The following GSE1 variants were observed in gnomAD, a reference collection of about 807,000 sequenced individuals.
GSE1 encodes Gse1 coiled-coil protein.
Under a neutral mutation model 112.6 loss-of-function variants are expected in GSE1, and 32 were observed. The ratio of observed to expected loss-of-function variants is 0.28; its 90% CI spans 0.21 to 0.38. The LOEUF (loss-of-function observed/expected upper bound fraction) is 0.38. Among genes scored for constraint, GSE1 ranks in the 10% least tolerant of loss-of-function variants. The pLI is 1.00. For synonymous variants in GSE1, 1,115 were observed against 735.6 expected, an observed-to-expected ratio of 1.52 and a Z score of -8.35; for missense variants, 2,348 against 1,699.2, an observed-to-expected ratio of 1.38 and a Z score of -6.71.
intron 1 of GSE1, among the ~76,000 whole-genome samples, chr16:85,179,660 A>G (rs116110213): frequency 1.3e-3 from 199 of 152,232 alleles, no homozygotes; most frequent in African/African-American, 4.6e-3. Context: ...CTGTTTCATC[A>G]CTTCTGCCTG....
intron 1 of GSE1, among the ~76,000 whole-genome samples, chr16:85,289,246 G>A (rs2045133089): frequency 6.6e-6 from 1 of 152,128 alleles, no homozygotes; most frequent in African/African-American, 2.4e-5. Flanking sequence ...AGGCTCTTGT[G>A]AGTTCATCCT....
intron 5 of GSE1, 62 bp from the exon 6 acceptor site, chr16:85,655,664 C>G (rs989914192): frequency 1.7e-6 from 2 of 1,151,834 alleles, no homozygotes; most frequent in Non-Finnish European, 1.3e-6. Flanking sequence ...ACACACCTGT[C>G]GACAGGGCTG....
chr16:85,433,180 T>C (rs1460934937), intron 2 of GSE1, among the ~76,000 whole-genome samples: 1 of 152,012 alleles, frequency 6.6e-6, no homozygotes, highest in African/African-American at 2.4e-5. Flanking sequence ...CAACCAGCCT[T>C]GGGTTCAACA....
At chr16:85,653,079 G>T (rs541224985) in intron 3 of GSE1, among the ~76,000 whole-genome samples, 2 of 150,208 alleles carry the variant, frequency 1.3e-5, no homozygotes, top group East Asian at 4.0e-4. Context: ...ACATGGGGAA[G>T]ATGCTGGGGC....
intron 1 of GSE1, among the ~76,000 whole-genome samples, chr16:85,262,710 T>G (rs558590687): frequency 6.6e-6 from 1 of 152,306 alleles, no homozygotes; most frequent in South Asian, 2.1e-4. Flanking sequence ...TGTGTGACCT[T>G]GCACAAGTTC....
At chr16:85,439,448 G>A (rs188197529) in intron 2 of GSE1, among the ~76,000 whole-genome samples, 2 of 152,218 alleles carry the variant, frequency 1.3e-5, no homozygotes, top group South Asian at 2.1e-4. Context: ...CGAGCAGGAG[G>A]GGGAGAGACA....
intron 2 of GSE1, among the ~76,000 whole-genome samples, chr16:85,438,599 A>C (rs2151775401): frequency 6.6e-6 from 1 of 152,268 alleles, no homozygotes; most frequent in East Asian, 1.9e-4. Flanking sequence ...ATGCTCTTAC[A>C]GCTCGGAAGG....
At chr16:85,610,063 C>T (rs529285291), upstream of GSE1, among the ~76,000 whole-genome samples, 2 of 152,292 alleles carry the variant, frequency 1.3e-5, no homozygotes, top group South Asian at 4.1e-4. Flanking sequence ...GAAGCAGGTA[C>T]CTGAGGCAGG....
At chr16:85,269,978 A>G (rs1567652208) in intron 1 of GSE1, among the ~76,000 whole-genome samples, 1 of 149,478 alleles carries the variant, frequency 6.7e-6, no homozygotes, top group Non-Finnish European at 1.5e-5. Flanking sequence ...TTGAAGACTG[A>G]GGCTGAGAGA....
intron 2 of GSE1, among the ~76,000 whole-genome samples, chr16:85,458,092 C>T (rs1210388092): frequency 6.6e-6 from 1 of 152,200 alleles, no homozygotes; most frequent in African/African-American, 2.4e-5. Flanking sequence ...TCCCCAAACC[C>T]TACAATCTGC....
At chr16:85,221,778 C>G (rs2075397794) in intron 1 of GSE1, among the ~76,000 whole-genome samples, 1 of 152,158 alleles carries the variant, frequency 6.6e-6, no homozygotes, top group East Asian at 1.9e-4. Context: ...CCCAGACACC[C>G]TGGCATCTCG....
intron 2 of GSE1, among the ~76,000 whole-genome samples, chr16:85,476,773 C>CTT (rs1469383358): frequency 7.6e-6 from 1 of 132,272 alleles, no homozygotes; most frequent in African/African-American, 3.5e-5. Flanking sequence ...CACGCCTGAC[C>CTT]ATTTTTTTTT....
At chr16:85,426,669 G>A (rs1225631893) in intron 2 of GSE1, among the ~76,000 whole-genome samples, 1 of 147,726 alleles carries the variant, frequency 6.8e-6, no homozygotes, top group African/African-American at 2.5e-5. Context: ...ATGGAAGGAA[G>A]GAAAGAAGAA....
At chr16:85,326,391 A>G (rs368652133) in intron 1 of GSE1, among the ~76,000 whole-genome samples, 1 of 152,308 alleles carries the variant, frequency 6.6e-6, no homozygotes, top group Non-Finnish European at 1.5e-5. Context: ...TTAGCCTGTG[A>G]TATGGTTTGG....
chr16:85,293,735 G>T (rs2045287200), intron 1 of GSE1, among the ~76,000 whole-genome samples: 1 of 152,104 alleles, frequency 6.6e-6, no homozygotes, highest in Non-Finnish European at 1.5e-5. Context: ...GGGTTCCTTG[G>T]CTCCTAGAAG....
intron 1 of GSE1, among the ~76,000 whole-genome samples, chr16:85,630,566 C>T (rs967251839): frequency 2.0e-5 from 3 of 152,242 alleles, no homozygotes; most frequent in African/African-American, 7.2e-5. Context: ...GTCCTCCCAC[C>T]TCACCCTCCT....
chr16:85,245,942 A>G, intron 1 of GSE1, among the ~76,000 whole-genome samples: 2 of 140,122 alleles, frequency 1.4e-5, no homozygotes, highest in African/African-American at 2.7e-5. Flanking sequence ...TGCGTGTGTT[A>G]GTTGGGGAGC....
At chr16:85,640,500 C>T (rs1397091692) in intron 2 of GSE1, among the ~76,000 whole-genome samples, 3 of 152,226 alleles carry the variant, frequency 2.0e-5, no homozygotes, top group Non-Finnish European at 2.9e-5. Context: ...CTCGTCTTGT[C>T]ACTGGCTTTG....
intron 2 of GSE1, among the ~76,000 whole-genome samples, chr16:85,378,993 C>G (rs144225304): frequency 6.6e-6 from 1 of 152,334 alleles, no homozygotes; most frequent in African/African-American, 2.4e-5. Flanking sequence ...CTGGGTCTCA[C>G]TGGCCAGACA....
Sources: allele counts gnomAD v4.1 joint callset (sites outside exome capture counted in the v4.1 genomes callset), GRCh38; gene constraint gnomAD v4.1.1; transcripts MANE v1.5; gene names NCBI Gene and HGNC (gene_info 2026-07-23, HGNC 2026-07-21).